Variants in ENOX1 observed in about 807,000 individuals in gnomAD.
The protein encoded by ENOX1 is ecto-NOX disulfide-thiol exchanger 1.
In ENOX1, 42 loss-of-function variants were observed where a neutral mutation model predicts 82.5. The observed-to-expected ratio is 0.51, with a 90% CI of 0.40 to 0.66. ENOX1 has a LOEUF of 0.66. Among genes scored for constraint, ENOX1 ranks in the 30% least tolerant of loss-of-function variants. The probability of loss-of-function intolerance (pLI) is 0.00; values close to 1 mark genes in which losing one functional copy is unlikely to be tolerated. For missense variants in ENOX1, 608 were observed against 811.6 expected (o/e 0.75, Z 3.05); for synonymous variants, 271 against 282.2 (o/e 0.96, Z 0.40).
chr13:43,371,357 C>A (rs2051231301), intron 5 of ENOX1, among the ~76,000 whole-genome samples: 2 of 152,206 alleles, frequency 1.3e-5, no homozygotes, highest in Admixed American at 6.5e-5. Context: ...TGTTGAAAGA[C>A]TAAATAAATT....
At chr13:43,321,139 A>T (rs1298427392) in intron 11 of ENOX1, 1 of 456,254 alleles carries the variant, frequency 2.2e-6, no homozygotes, top group Non-Finnish European at 4.4e-6. Flanking sequence ...GTGAAAGGGA[A>T]AGTTTCTAAG....
chr13:43,262,584 T>C (rs2044137909), intron 14 of ENOX1, among the ~76,000 whole-genome samples: 1 of 152,116 alleles, frequency 6.6e-6, no homozygotes, highest in African/African-American at 2.4e-5. Context: ...TGGAGTGCAG[T>C]GGTGTGATCT....
chr13:43,315,798 C>T (rs1341287148), intron 11 of ENOX1, among the ~76,000 whole-genome samples: 1 of 152,180 alleles, frequency 6.6e-6, no homozygotes, highest in Non-Finnish European at 1.5e-5. Context: ...CCCTCAGTGT[C>T]CTTCAAGCCT....
chr13:43,715,701 CTTCATTTCA>C (rs1261657147), intron 1 of ENOX1, among the ~76,000 whole-genome samples: 5 of 152,166 alleles, frequency 3.3e-5, no homozygotes, highest in Non-Finnish European at 7.3e-5. Context: ...TCCTTTCTGG[CTTCATTTCA>C]TTCATTTCGT....
rs1491133105 is a variant in ENOX1 at position 43,213,511 on chromosome 13, C to CTTTTTCT, written c.*472_*478dup. 2 of 142,138 alleles carry CTTTTTCT rather than the reference C, an allele frequency of 1.4e-5. No homozygotes were observed. Among genetic ancestry groups the CTTTTTCT allele is most frequent in the East Asian group, 4.1e-4 (2 of 4,882 alleles). The allele number at this position is 142,138 out of a possible 1,614,324, so 8.8% of individuals were successfully genotyped here. A position where few individuals can be genotyped will look rare whatever the true frequency, so the allele number is the denominator to read the frequency against. On this transcript the variant is annotated 3_prime_UTR_variant, in exon 17 of 17. Transcript: ENST00000690772. ...GGTATGCTTTTCCCTCACTGTAAAACTTTTTCTTTTTTCTTTTTTTCTTTT... is the reference window on the plus strand; with the variant it reads ...GGTATGCTTTTCCCTCACTGTAAAACTTTTTCTTTTTTCTTTTTTCTTTTTTTCTTTT...
chr13:43,339,830 T>C (rs2048952941), intron 9 of ENOX1, among the ~76,000 whole-genome samples: 1 of 152,248 alleles, frequency 6.6e-6, no homozygotes, highest in African/African-American at 2.4e-5. Context: ...AATCTCATTC[T>C]AAGGGAAGAA....
intron 1 of ENOX1, among the ~76,000 whole-genome samples, chr13:43,720,751 C>T (rs905749504): frequency 3.3e-5 from 5 of 152,180 alleles, no homozygotes; most frequent in Non-Finnish European, 5.9e-5. Context: ...TTGTATACAG[C>T]TTTTTTGATG....
chr13:43,264,308 A>T (rs1275303895), intron 14 of ENOX1, among the ~76,000 whole-genome samples: 1 of 152,226 alleles, frequency 6.6e-6, no homozygotes, highest in Non-Finnish European at 1.5e-5. Flanking sequence ...CTGTACACTT[A>T]TCATGTCCTG....
At chr13:43,696,499 C>A (rs17653052) in intron 1 of ENOX1, among the ~76,000 whole-genome samples, 2 of 152,086 alleles carry the variant, frequency 1.3e-5, no homozygotes, top group Non-Finnish European at 2.9e-5. Context: ...AGATATTTTA[C>A]ACATAGTGGA....
intron 2 of ENOX1, among the ~76,000 whole-genome samples, chr13:43,639,946 T>C (rs2083566596): frequency 6.6e-6 from 1 of 152,138 alleles, no homozygotes; most frequent in Non-Finnish European, 1.5e-5. Flanking sequence ...TGAGAATCAC[T>C]TGAACCCAGG....
At position 43,213,510 on chromosome 13, in the gene ENOX1, ACTTTTTCTTTTTTCT is replaced by A. The variant is rs2041281612; in HGVS notation, c.*465_*479del. The stretch of plus-strand genomic sequence containing the variant: ...TGGTATGCTTTTCCCTCACTGTAAA[ACTTTTTCTTTTTTCT>A]TTTTTTCTTTTTCTTTTTCTTTTTT... On this transcript the variant is annotated 3_prime_UTR_variant, in exon 17 of 17. Coordinates refer to ENST00000690772, the MANE Select transcript of ENOX1 (RefSeq NM_001347969.2). The A allele has an allele frequency of 1.6e-5, 2 of 123,572 alleles. No individual in the cohort carries two copies. The highest frequency in any genetic ancestry group is 5.0e-4 in the East Asian group (2 of 3,992). The allele number at this position is 123,572 out of a possible 1,614,324, so 7.7% of individuals were successfully genotyped here.
At chr13:43,557,227 A>G (rs1346870225) in intron 2 of ENOX1, among the ~76,000 whole-genome samples, 2 of 152,206 alleles carry the variant, frequency 1.3e-5, no homozygotes, top group Non-Finnish European at 2.9e-5. Flanking sequence ...CCATTTGGGG[A>G]GTCAAAACTG....
intron 1 of ENOX1, among the ~76,000 whole-genome samples, chr13:43,689,948 C>T (rs560681265): frequency 6.6e-6 from 1 of 152,212 alleles, no homozygotes; most frequent in Non-Finnish European, 1.5e-5. Context: ...TAGACTTCAC[C>T]CTGATAACAT....
At chr13:43,429,922 A>C (rs2055558529) in intron 3 of ENOX1, among the ~76,000 whole-genome samples, 1 of 152,240 alleles carries the variant, frequency 6.6e-6, no homozygotes, top group Non-Finnish European at 1.5e-5. Context: ...TGAAATCCAG[A>C]AAGGTATATT....
intron 2 of ENOX1, among the ~76,000 whole-genome samples, chr13:43,552,733 C>T (rs1386371093): frequency 6.6e-6 from 1 of 152,172 alleles, no homozygotes; most frequent in Non-Finnish European, 1.5e-5. Context: ...CCAAAAAGAA[C>T]TACCTAACCT....
intron 11 of ENOX1, among the ~76,000 whole-genome samples, chr13:43,303,119 C>T (rs1284902743): frequency 6.6e-6 from 1 of 152,212 alleles, no homozygotes; most frequent in African/African-American, 2.4e-5. Context: ...TTCCTTCCCA[C>T]ATGCAAAGAA....
At chr13:43,572,319 G>A (rs1048892628) in intron 2 of ENOX1, among the ~76,000 whole-genome samples, 1 of 152,270 alleles carries the variant, frequency 6.6e-6, no homozygotes, top group African/African-American at 2.4e-5. Flanking sequence ...GGAATTGTTT[G>A]GCTCAAATAA....
intron 1 of ENOX1, among the ~76,000 whole-genome samples, chr13:43,760,566 C>T (rs776140691): frequency 6.6e-6 from 1 of 152,046 alleles, no homozygotes; most frequent in Admixed American, 6.5e-5. Flanking sequence ...TCTTTAGGGC[C>T]CGTTGACTCC....
At chr13:43,684,242 C>T (rs535813318) in intron 1 of ENOX1, among the ~76,000 whole-genome samples, 7 of 152,092 alleles carry the variant, frequency 4.6e-5, no homozygotes, top group Non-Finnish European at 8.8e-5. Context: ...ATTCTTTAAG[C>T]AGTGATATTT....
Sources: allele counts gnomAD v4.1 joint callset (sites outside exome capture counted in the v4.1 genomes callset), GRCh38; gene constraint gnomAD v4.1.1; transcripts MANE v1.5; gene names NCBI Gene and HGNC (gene_info 2026-07-23, HGNC 2026-07-21).